The following DNAH7 variants were observed in gnomAD, a reference collection of about 807,000 sequenced individuals.
The protein encoded by DNAH7 is axonemal beta dynein heavy chain 7.
Under a neutral mutation model 444.6 loss-of-function variants are expected in DNAH7, and 397 were observed. The observed-to-expected ratio is 0.89, with a 90% confidence interval of 0.82 to 0.97. The LOEUF (loss-of-function observed/expected upper bound fraction) is 0.97, where lower values mean the gene tolerates loss of function less well. Among genes scored for constraint, DNAH7 ranks in the 50% least tolerant of loss-of-function variants. The pLI, the probability that DNAH7 is intolerant of heterozygous loss-of-function variation, is 0.00. For missense variants in DNAH7, 4,902 were observed against 4,800.8 expected, an observed-to-expected ratio of 1.02 and a Z score of -0.62; for synonymous variants, 1,636 against 1,624.4, an observed-to-expected ratio of 1.01 and a Z score of -0.17.
chr2:195,900,697 T>A, intron 27 of DNAH7: 1 of 502,342 alleles, frequency 2.0e-6, no homozygotes, highest in Non-Finnish European at 3.6e-6. Flanking sequence ...ATGCAAAATT[T>A]CAGGTACATA....
intron 2 of DNAH7, among the ~76,000 whole-genome samples, chr2:196,055,581 A>G (rs1575114617): frequency 6.6e-6 from 1 of 152,146 alleles, no homozygotes. Context: ...TGAGCACAAC[A>G]TTTTCAAGCT....
At chr2:195,821,044 G>A (rs1697444633) in intron 49 of DNAH7, among the ~76,000 whole-genome samples, 2 of 152,056 alleles carry the variant, frequency 1.3e-5, no homozygotes. Context: ...CTTGGGGCTA[G>A]ATTTCAGCCC....
At chr2:195,882,955 A>C (rs1574657301) in intron 35 of DNAH7, among the ~76,000 whole-genome samples, 1 of 152,146 alleles carries the variant, frequency 6.6e-6, no homozygotes, top group Non-Finnish European at 1.5e-5. Flanking sequence ...TGCTTTATTC[A>C]TTCTTGTATC....
At chr2:195,782,616 T>C (rs1695443752) in intron 58 of DNAH7, among the ~76,000 whole-genome samples, 1 of 152,218 alleles carries the variant, frequency 6.6e-6, no homozygotes, top group Admixed American at 6.5e-5. Flanking sequence ...AATCGTATTA[T>C]TTCTGCGAAG....
chr2:196,042,869 T>C (rs1559363075), intron 5 of DNAH7, among the ~76,000 whole-genome samples: 1 of 152,138 alleles, frequency 6.6e-6, no homozygotes, highest in Non-Finnish European at 1.5e-5. Context: ...AATGAAAATG[T>C]ATGTTCACAA....
At chr2:195,895,886 A>G (rs1702279171) in intron 29 of DNAH7, among the ~76,000 whole-genome samples, 1 of 152,186 alleles carries the variant, frequency 6.6e-6, no homozygotes, top group African/African-American at 2.4e-5. Context: ...GCAGGTATCA[A>G]TAGTTTATTC....
chr2:195,877,450 C>T (rs1372375827), intron 36 of DNAH7, among the ~76,000 whole-genome samples: 1 of 152,186 alleles, frequency 6.6e-6, no homozygotes, highest in African/African-American at 2.4e-5. Context: ...TAAATGCTTG[C>T]AGCATTCAGC....
intron 24 of DNAH7, among the ~76,000 whole-genome samples, chr2:195,915,372 G>T (rs531888270): frequency 1.3e-5 from 2 of 152,166 alleles, no homozygotes; most frequent in African/African-American, 4.8e-5. Flanking sequence ...TGTGTGCACA[G>T]GTAGTGAGTG....
In DNAH7 at chr2:195,922,191, G is replaced by A; in HGVS notation, c.3832C>T (p.His1278Tyr). Residue 1278 changes from histidine (H) to tyrosine (Y), a missense_variant, in exon 24 of 65, where the codon CAT becomes TAT. Physicochemically the swap from His to Tyr is moderately conservative, Grantham distance 83. Transcript: ENST00000312428. ...SQLRYYWQENHLETKMINAGL... is the reference protein window; with the variant it reads ...SQLRYYWQENYLETKMINAGL... ...GCATTGATCATTTTTGTTTCTAAATGATTTTCCTAGGATAAATCAAATAAA... is the reference window on the plus strand; with the variant it reads ...GCATTGATCATTTTTGTTTCTAAATAATTTTCCTAGGATAAATCAAATAAA... The A allele has an allele frequency of 6.3e-7, 1 of 1,577,264 alleles. No individual in the cohort carries two copies. The highest frequency in any genetic ancestry group is 1.1e-5 in the South Asian group (1 of 89,940).
At chr2:195,843,832 T>C (rs1197825237) in intron 47 of DNAH7, among the ~76,000 whole-genome samples, 1 of 152,162 alleles carries the variant, frequency 6.6e-6, no homozygotes, top group Non-Finnish European at 1.5e-5. Context: ...CGCAGTGGTT[T>C]AGGCCTGTAA....
At chr2:195,853,600 C>A in intron 45 of DNAH7, 72 bp from the exon 46 acceptor site, 1 of 1,403,932 alleles carries the variant, frequency 7.1e-7, no homozygotes, top group South Asian at 1.5e-5. Flanking sequence ...AGATTTTACC[C>A]TCAGAAGTGA....
At chr2:195,970,391 C>A (rs568458325) in intron 16 of DNAH7, among the ~76,000 whole-genome samples, 47 of 152,154 alleles carry the variant, frequency 3.1e-4, no homozygotes, top group Non-Finnish European at 4.7e-4. Flanking sequence ...CTTTAATATG[C>A]TGAAGAATTT....
At chr2:195,993,976 T>C (rs945075580) in intron 12 of DNAH7, among the ~76,000 whole-genome samples, 2 of 152,208 alleles carry the variant, frequency 1.3e-5, no homozygotes, top group African/African-American at 2.4e-5. Context: ...AAACACCTGA[T>C]TGCATATTTT....
chr2:195,895,187 G>C lies in DNAH7; in HGVS notation c.4685C>G (p.Pro1562Arg). 6.2e-7 allele frequency: 1 copy of C among 1,609,714 alleles called. No homozygotes were observed. Among genetic ancestry groups the C allele is most frequent in the Non-Finnish European group, 8.5e-7 (1 of 1,177,318 alleles). ...TSDLFPGVKLPKPDYNDLLAA... is the reference protein window; with the variant it reads ...TSDLFPGVKLRKPDYNDLLAA... ...CAGCAAATCATTGTAATCTGGTTTT[G>C]GTAATTTTACCCCAGGAAACAAATC... The change falls in exon 30 of 65, where the codon CCA becomes CGA. Residue 1562 changes from proline to arginine, a missense_variant. By Grantham distance (103) the Pro-to-Arg change is moderately radical. Coordinates refer to ENST00000312428, the MANE Select transcript of DNAH7 (RefSeq NM_018897.3).
chr2:195,791,669 T>C (rs188775746), intron 57 of DNAH7, among the ~76,000 whole-genome samples: 3 of 152,306 alleles, frequency 2.0e-5, no homozygotes, highest in Admixed American at 1.3e-4. Flanking sequence ...ACATCAATGA[T>C]GGACTGGATT....
intron 19 of DNAH7, among the ~76,000 whole-genome samples, chr2:195,951,403 G>A (rs1020441798): frequency 2.0e-5 from 3 of 152,162 alleles, no homozygotes; most frequent in African/African-American, 4.8e-5. Context: ...GTACTGAGAA[G>A]AATGTATATT....
intron 54 of DNAH7, among the ~76,000 whole-genome samples, chr2:195,800,046 T>C (rs1172444034): frequency 6.6e-6 from 1 of 152,208 alleles, no homozygotes; most frequent in African/African-American, 2.4e-5. Flanking sequence ...TCTCTGTTAA[T>C]TGGTCCTTTT....
At chr2:196,060,810 T>C (rs1698093167) in intron 1 of DNAH7, among the ~76,000 whole-genome samples, 1 of 152,218 alleles carries the variant, frequency 6.6e-6, no homozygotes, top group Non-Finnish European at 1.5e-5. Context: ...TTACTCAATC[T>C]TTTAACAGTA....
At chr2:195,934,896 A>C in intron 20 of DNAH7, 107 bp from the exon 21 acceptor site, 1 of 1,248,398 alleles carries the variant, frequency 8.0e-7, no homozygotes, top group Non-Finnish European at 1.1e-6. Context: ...CTGGGAATGA[A>C]ATGCTGTGCA....
Sources: allele counts gnomAD v4.1 joint callset (sites outside exome capture counted in the v4.1 genomes callset), GRCh38; gene constraint gnomAD v4.1.1; transcripts MANE v1.5; gene names NCBI Gene and HGNC (gene_info 2026-07-23, HGNC 2026-07-21).